Variants in ASIC2 observed in about 807,000 individuals in gnomAD.
The protein encoded by ASIC2 is acid sensing ion channel subunit 2, also known as acid-sensing ion channel 2.
Under a neutral mutation model 57.3 loss-of-function variants are expected in ASIC2, and 25 were observed. That is an observed-to-expected ratio of 0.44 (90% CI 0.32 to 0.61). The LOEUF (loss-of-function observed/expected upper bound fraction) is 0.61, where lower values mean the gene tolerates loss of function less well. ASIC2 is among the 20% of genes least tolerant of loss of function. The pLI is 0.06. For synonymous variants in ASIC2, 319 were observed against 307.5 expected (o/e 1.04, Z -0.39); for missense variants, 641 against 738.1 (o/e 0.87, Z 1.52).
intron 1 of ASIC2, among the ~76,000 whole-genome samples, chr17:34,054,521 T>A (rs995221583): frequency 6.6e-6 from 1 of 152,182 alleles, no homozygotes; most frequent in African/African-American, 2.4e-5. Context: ...ACTGGTAGCA[T>A]CCTACCCAGT....
intron 1 of ASIC2, among the ~76,000 whole-genome samples, chr17:34,042,708 G>C (rs1487802555): frequency 6.6e-6 from 1 of 152,168 alleles, no homozygotes; most frequent in African/African-American, 2.4e-5. Context: ...CACTTGGTTT[G>C]AGCTGTTGCG....
chr17:33,521,540 C>G, intron 1 of ASIC2, among the ~76,000 whole-genome samples: 1 of 152,118 alleles, frequency 6.6e-6, no homozygotes, highest in East Asian at 1.9e-4. Context: ...AGTGGGTACA[C>G]AGAGCAGGGT....
intron 1 of ASIC2, among the ~76,000 whole-genome samples, chr17:33,682,096 G>T (rs1254082887): frequency 1.5e-5 from 2 of 129,792 alleles, no homozygotes; most frequent in African/African-American, 3.2e-5. Context: ...GTCTCTCTCT[G>T]TTGCCCAGGC....
At chr17:34,107,993 C>G (rs916675129) in intron 1 of ASIC2, among the ~76,000 whole-genome samples, 1 of 152,140 alleles carries the variant, frequency 6.6e-6, no homozygotes, top group Non-Finnish European at 1.5e-5. Context: ...TCCAGTTTAT[C>G]CTTCTTATGT....
intron 1 of ASIC2, among the ~76,000 whole-genome samples, chr17:33,145,618 GT>G (rs1904529980): frequency 6.6e-6 from 1 of 152,028 alleles, no homozygotes. Context: ...ACCTATTTCC[GT>G]ATTTCTGACA....
At chr17:33,799,844 G>T (rs1044748856) in intron 1 of ASIC2, among the ~76,000 whole-genome samples, 2 of 152,098 alleles carry the variant, frequency 1.3e-5, no homozygotes, top group Admixed American at 6.6e-5. Flanking sequence ...GCTCCCTAAG[G>T]TTGGGCAGTA....
intron 1 of ASIC2, among the ~76,000 whole-genome samples, chr17:33,240,843 C>T (rs182769391): frequency 1.4e-3 from 220 of 152,292 alleles, no homozygotes; most frequent in Non-Finnish European, 9.1e-4. Context: ...ATAGCCAGCC[C>T]TTCCAAGCAA....
chr17:33,889,577 A>G (rs1914913075), intron 1 of ASIC2, among the ~76,000 whole-genome samples: 1 of 152,232 alleles, frequency 6.6e-6, no homozygotes. Context: ...TTACTTCCAC[A>G]AAGAGAAGGA....
At chr17:33,604,583 A>G (rs1905182320) in intron 1 of ASIC2, among the ~76,000 whole-genome samples, 1 of 152,160 alleles carries the variant, frequency 6.6e-6, no homozygotes, top group South Asian at 2.1e-4. Context: ...TTTTGGTCCA[A>G]ACTGACAGGG....
chr17:33,583,021 C>T (rs1289377413), intron 1 of ASIC2, among the ~76,000 whole-genome samples: 1 of 152,162 alleles, frequency 6.6e-6, no homozygotes, highest in Non-Finnish European at 1.5e-5. Flanking sequence ...TCTCACCCTG[C>T]CCTCCAGATG....
chr17:33,518,896 C>T (rs1311992374), intron 1 of ASIC2, among the ~76,000 whole-genome samples: 1 of 151,972 alleles, frequency 6.6e-6, no homozygotes, highest in Non-Finnish European at 1.5e-5. Flanking sequence ...TCTCGGCTCA[C>T]TGCAAGCTCC....
At chr17:33,988,989 A>T (rs533798961) in intron 1 of ASIC2, among the ~76,000 whole-genome samples, 40 of 152,046 alleles carry the variant, frequency 2.6e-4, no homozygotes, top group Middle Eastern at 3.4e-3. Flanking sequence ...CCCTCCTCCC[A>T]CCTTCCACAA....
At chr17:33,252,120 A>G (rs1567799340) in intron 1 of ASIC2, among the ~76,000 whole-genome samples, 2 of 152,274 alleles carry the variant, frequency 1.3e-5, no homozygotes, top group South Asian at 2.1e-4. Context: ...TCTTCTCCCA[A>G]TCAAGAGTGT....
intron 1 of ASIC2, among the ~76,000 whole-genome samples, chr17:33,753,213 A>G (rs1910487417): frequency 6.6e-6 from 1 of 152,224 alleles, no homozygotes; most frequent in South Asian, 2.1e-4. Context: ...TACAAAAGCT[A>G]CATACCGTAT....
chr17:33,544,453 A>T (rs1311646905), intron 1 of ASIC2, among the ~76,000 whole-genome samples: 2 of 152,198 alleles, frequency 1.3e-5, no homozygotes, highest in African/African-American at 2.4e-5. Flanking sequence ...TTAACTTTGC[A>T]AGAACCTACT....
chr17:33,610,298 C>T (rs1399096218), intron 1 of ASIC2, among the ~76,000 whole-genome samples: 1 of 152,126 alleles, frequency 6.6e-6, no homozygotes, highest in Non-Finnish European at 1.5e-5. Context: ...GCTGGGATTA[C>T]AGGTGCATGC....
chr17:33,678,735 A>G (rs9906617), intron 1 of ASIC2, among the ~76,000 whole-genome samples: 15,096 of 152,134 alleles, frequency 0.099, 1,055 homozygotes, highest in African/African-American at 0.19. Flanking sequence ...TACCAGGTGC[A>G]CAGGAGCAGC....
intron 1 of ASIC2, among the ~76,000 whole-genome samples, chr17:34,151,243 C>T (rs1314461318): frequency 6.6e-6 from 1 of 152,092 alleles, no homozygotes; most frequent in Non-Finnish European, 1.5e-5. Context: ...TGTGGGCAGC[C>T]CCCATATTTA....
chr17:34,021,255 A>T (rs549942768), intron 1 of ASIC2, among the ~76,000 whole-genome samples: 31 of 143,040 alleles, frequency 2.2e-4, no homozygotes, highest in African/African-American at 6.2e-4. Flanking sequence ...CAAACAAATT[A>T]AAAAAAAAAA....
Sources: gnomAD v4.1 joint callset for allele counts (sites outside exome capture counted in the v4.1 genomes callset) on GRCh38, gnomAD v4.1.1 for gene constraint, MANE v1.5 for transcripts, NCBI Gene and HGNC (gene_info 2026-07-23, HGNC 2026-07-21) for gene names.